CCDC148: variants seen among roughly 807,000 people sequenced by gnomAD.
The protein encoded by CCDC148 is coiled-coil domain-containing protein 148.
A neutral mutation model predicts 85.7 loss-of-function variants in CCDC148; 89 were observed. That is an observed-to-expected ratio of 1.04 (90% CI 0.87 to 1.24). CCDC148 has a LOEUF of 1.24. CCDC148 is among the 50% of genes most tolerant of loss of function. CCDC148 has a pLI of 0.00. For synonymous variants in CCDC148, 230 were observed against 213.9 expected (o/e 1.08, Z -0.66); for missense variants, 692 against 671.7 (o/e 1.03, Z -0.33).
At chr2:158,340,874 C>T (rs1210960495) in intron 3 of CCDC148, among the ~76,000 whole-genome samples, 194 bp from the exon 4 acceptor site, 1 of 152,114 alleles carries the variant, frequency 6.6e-6, no homozygotes, top group Admixed American at 6.5e-5. Context: ...GAAGAAACAG[C>T]GTGAGCAAAG....
chr2:158,313,835 G>A lies in CCDC148; in HGVS notation c.824C>T (p.Pro275Leu), dbSNP rs1337853358. 14 of 1,613,824 alleles carry A rather than the reference G, an allele frequency of 8.7e-6. No individual in the cohort carries two copies. The highest frequency in any genetic ancestry group is 1.1e-5 in the Non-Finnish European group (13 of 1,179,918). ...WIYQAILDQY[P>L]GDLFGRRTLY... ...AGTCCTTCTTCCAAAGAGATCTCCA[G>A]GGTACTGATCCAAAATAGCCTGGTA... The change falls in exon 8 of 14, where the codon CCT (proline) becomes CTT (leucine). Residue 275 changes from proline to leucine, a missense_variant. Physicochemically the swap from Pro to Leu is moderately conservative, Grantham distance 98 (BLOSUM62 -3). Transcript: ENST00000283233.
intron 11 of CCDC148, among the ~76,000 whole-genome samples, chr2:158,217,393 T>TATATATATATATATATATAC (rs1459713401): frequency 2.2e-5 from 3 of 135,324 alleles, no homozygotes; most frequent in African/African-American, 5.6e-5. Context: ...TATATATATA[T>TATATATATATATATATATAC]ACACACACAC....
intron 7 of CCDC148, among the ~76,000 whole-genome samples, chr2:158,326,881 T>C (rs1471377072): frequency 6.6e-6 from 1 of 152,106 alleles, no homozygotes; most frequent in African/African-American, 2.4e-5. Flanking sequence ...TATAAAAATA[T>C]ATATGTTTGC....
At chr2:158,448,304 CT>C (rs369550965) in intron 1 of CCDC148, among the ~76,000 whole-genome samples, 2 of 151,540 alleles carry the variant, frequency 1.3e-5, no homozygotes, top group African/African-American at 4.8e-5. Flanking sequence ...TAACTCTTAC[CT>C]TTTTTTTACA....
intron 3 of CCDC148, 98 bp from the exon 4 acceptor site, chr2:158,340,778 T>C: frequency 1.4e-6 from 1 of 704,792 alleles, no homozygotes; most frequent in East Asian, 2.8e-5. Context: ...TATGGCTTTG[T>C]CATCTGTTCA....
At chr2:158,399,211 A>G (rs1476704855) in intron 1 of CCDC148, among the ~76,000 whole-genome samples, 1 of 152,210 alleles carries the variant, frequency 6.6e-6, no homozygotes, top group African/African-American at 2.4e-5. Context: ...GAGAGCTGGT[A>G]CCATTCCTTC....
chr2:158,372,580 C>T (rs1190783658), intron 1 of CCDC148, among the ~76,000 whole-genome samples: 1 of 152,006 alleles, frequency 6.6e-6, no homozygotes, highest in Non-Finnish European at 1.5e-5. Flanking sequence ...GTAAGAGGTT[C>T]ACCTGCTTCC....
intron 11 of CCDC148, 124 bp from the exon 12 acceptor site, chr2:158,179,120 TGA>T: frequency 1.8e-6 from 1 of 558,542 alleles, no homozygotes; most frequent in Non-Finnish European, 3.1e-6. Flanking sequence ...TTTTTTTTAC[TGA>T]TTTCTCAAGT....
At chr2:158,288,343 T>C (rs1318318111) in intron 9 of CCDC148, among the ~76,000 whole-genome samples, 1 of 152,214 alleles carries the variant, frequency 6.6e-6, no homozygotes, top group Admixed American at 6.5e-5. Context: ...TTCTTTTCTA[T>C]TGCATTGTCA....
intron 11 of CCDC148, among the ~76,000 whole-genome samples, chr2:158,205,966 G>T (rs1376865723): frequency 1.3e-5 from 2 of 152,068 alleles, no homozygotes; most frequent in Non-Finnish European, 1.5e-5. Context: ...TGCCTTCTTT[G>T]CAAGTTGTAA....
chr2:158,300,699 C>A (rs1691399555), intron 9 of CCDC148, among the ~76,000 whole-genome samples: 2 of 152,104 alleles, frequency 1.3e-5, no homozygotes, highest in Admixed American at 6.5e-5. Flanking sequence ...TTTGGTATTT[C>A]TAAATTGTAA....
chr2:158,412,133 C>T (rs1686288214), intron 1 of CCDC148, among the ~76,000 whole-genome samples: 1 of 152,186 alleles, frequency 6.6e-6, no homozygotes, highest in African/African-American at 2.4e-5. Context: ...TGGGGTCCTC[C>T]TGCTTTCCTT....
intron 10 of CCDC148, among the ~76,000 whole-genome samples, chr2:158,223,469 G>A (rs1387984983): frequency 3.3e-5 from 5 of 152,196 alleles, no homozygotes; most frequent in Non-Finnish European, 7.3e-5. Context: ...TTTGAAGAGT[G>A]TAGTGGTTCT....
chr2:158,210,866 G>A (rs535889947), intron 11 of CCDC148, among the ~76,000 whole-genome samples: 1 of 150,668 alleles, frequency 6.6e-6, no homozygotes, highest in Non-Finnish European at 1.5e-5. Context: ...GGCTGAGACA[G>A]GAGAATGGCG....
At chr2:158,181,528 G>A (rs1052030374) in intron 11 of CCDC148, among the ~76,000 whole-genome samples, 38 of 152,230 alleles carry the variant, frequency 2.5e-4, no homozygotes, top group African/African-American at 7.7e-4. Context: ...GGACAATGGG[G>A]CAGAGACCAT....
intron 11 of CCDC148, among the ~76,000 whole-genome samples, chr2:158,219,132 C>T (rs760055538): frequency 4.6e-4 from 70 of 152,138 alleles, no homozygotes; most frequent in African/African-American, 1.7e-3. Context: ...TTTATTATAG[C>T]GATTTTAGGT....
chr2:158,214,961 T>G (rs533646780), intron 11 of CCDC148, among the ~76,000 whole-genome samples: 1 of 152,178 alleles, frequency 6.6e-6, no homozygotes, highest in Non-Finnish European at 1.5e-5. Flanking sequence ...TAAGTGAAAT[T>G]TGACATAAGA....
chr2:158,359,390 C>G (rs908283998), intron 1 of CCDC148, among the ~76,000 whole-genome samples: 1 of 152,158 alleles, frequency 6.6e-6, no homozygotes, highest in African/African-American at 2.4e-5. Context: ...GGCGACCTGG[C>G]AATATGGCCA....
intron 9 of CCDC148, among the ~76,000 whole-genome samples, chr2:158,255,860 C>T (rs1030757823): frequency 2.0e-5 from 3 of 151,692 alleles, no homozygotes; most frequent in Non-Finnish European, 3.0e-5. Flanking sequence ...TTAATTAATA[C>T]TTTGCTTAAT....
Sources: gnomAD v4.1 joint callset for allele counts (sites outside exome capture counted in the v4.1 genomes callset) on GRCh38, gnomAD v4.1.1 for gene constraint, MANE v1.5 for transcripts, NCBI Gene and HGNC (gene_info 2026-07-23, HGNC 2026-07-21) for gene names.